Variants in ZNF385C observed in about 807,000 individuals in gnomAD.
ZNF385C encodes zinc finger protein 385C.
ZNF385C carries 28 observed loss-of-function variants against 35.4 expected under a neutral mutation model. The ratio of observed to expected loss-of-function variants is 0.79; its 90% CI spans 0.59 to 1.08. The LOEUF is 1.08. Among genes scored for constraint, ZNF385C ranks in the 50% least tolerant of loss-of-function variants. The probability of loss-of-function intolerance (pLI) is 0.00; values close to 1 mark genes in which losing one functional copy is unlikely to be tolerated. For missense variants in ZNF385C, 605 were observed against 595.6 expected (o/e 1.02, Z -0.16); for synonymous variants, 248 against 248.2 (o/e 1.00, Z 0.01).
intron 1 of ZNF385C, among the ~76,000 whole-genome samples, chr17:42,065,647 A>G (rs2053536569): frequency 6.6e-6 from 1 of 152,192 alleles, no homozygotes; most frequent in Non-Finnish European, 1.5e-5. Flanking sequence ...GTGTGGATGG[A>G]ACAGAGGAGC....
At position 42,071,901 on chromosome 17, in the gene ZNF385C, CAGA is replaced by C. The variant is rs1352374983; in HGVS notation, c.-2-8846_-2-8844del. ...GGGCAGGAGCCTAAGTCCTGGAAGC[CAGA>C]AGGAGGAGGGTTGGGAGCTCCTGGG... On this transcript the variant is annotated intron_variant, in intron 1 of 8. Transcript: ENST00000692273. Among the ~76,000 whole-genome samples the C allele has an allele frequency of 8.5e-5, 13 of 152,320 alleles. 2 individuals are homozygous for C. Among genetic ancestry groups the C allele is most frequent in the Admixed American group, 3.3e-4 (5 of 15,306 alleles).
At position 42,028,202 on chromosome 17, in the gene ZNF385C, G is replaced by A. The variant is rs782185108; in HGVS notation, c.1012C>T (p.Arg338Trp). ...GACACCGGGCGGCCCCGGCTCCTCC[G>A]GGGAGCCCCTCGCTGACCTTCCATC... is the stretch of plus-strand genomic sequence containing the variant. Reference protein sequence around the residue: ...WMMEGQRGAPRRSRGRPVSRG... With the variant: ...WMMEGQRGAPWRSRGRPVSRG... The change falls in exon 7 of 9, where the codon CGG (arginine) becomes TGG (tryptophan). Residue 338 changes from arginine to tryptophan, a missense_variant. Arg to Trp is a moderately radical substitution (Grantham distance 101, BLOSUM62 -3). Transcript: ENST00000692273. 23 of 1,572,134 alleles carry A rather than the reference G, an allele frequency of 1.5e-5. No homozygotes were observed. The highest frequency in any genetic ancestry group is 9.6e-5 in the African/African-American group (7 of 73,044).
chr17:42,042,794 C>G (rs1339355605), intron 2 of ZNF385C: 1 of 1,230,084 alleles, frequency 8.1e-7, no homozygotes, highest in Non-Finnish European at 1.0e-6. Context: ...AGTGTCCTCC[C>G]TTCCCAAGCC....
chr17:42,028,327 T>G (rs116489654), intron 6 of ZNF385C, 81 bp from the exon 7 acceptor site: 16 of 1,412,944 alleles, frequency 1.1e-5, no homozygotes, highest in Non-Finnish European at 1.5e-5. Flanking sequence ...CTCATGCAAT[T>G]TGGCTCTCCC....
At chr17:42,053,427 T>G (rs2053320124) in intron 2 of ZNF385C, among the ~76,000 whole-genome samples, 1 of 151,998 alleles carries the variant, frequency 6.6e-6, no homozygotes, top group African/African-American at 2.4e-5. Context: ...TCTGCTTCCC[T>G]CTCTTTCTGT....
intron 3 of ZNF385C, among the ~76,000 whole-genome samples, chr17:42,035,542 C>CTTTT (rs67173303): frequency 6.1e-4 from 64 of 105,580 alleles, no homozygotes; most frequent in Non-Finnish European, 7.6e-4. Context: ...TGCTGACGAC[C>CTTTT]TTTTTTTTTT....
At chr17:42,058,263 T>C (rs1567991544) in intron 2 of ZNF385C, among the ~76,000 whole-genome samples, 1 of 152,246 alleles carries the variant, frequency 6.6e-6, no homozygotes, top group East Asian at 1.9e-4. Context: ...TTACTGCCTG[T>C]AACCACCTGT....
chr17:42,056,806 T>C (rs914321072), intron 2 of ZNF385C, among the ~76,000 whole-genome samples: 2 of 152,162 alleles, frequency 1.3e-5, no homozygotes, highest in Admixed American at 6.5e-5. Context: ...TCTGCCACCA[T>C]GTGAGACGTG....
intron 1 of ZNF385C, among the ~76,000 whole-genome samples, chr17:42,091,097 C>T (rs1006267931): frequency 2.6e-5 from 4 of 152,074 alleles, no homozygotes; most frequent in Non-Finnish European, 5.9e-5. Context: ...CCACTTATGA[C>T]ATCAAGTTCC....
chr17:42,091,827 A>G (rs2053865836), intron 1 of ZNF385C, among the ~76,000 whole-genome samples: 1 of 152,232 alleles, frequency 6.6e-6, no homozygotes, highest in Admixed American at 6.5e-5. Flanking sequence ...GGTCACAAGA[A>G]TGCTACCTGC....
intron 2 of ZNF385C, chr17:42,040,137 C>G (rs1234411659): frequency 8.1e-7 from 1 of 1,231,348 alleles, no homozygotes; most frequent in African/African-American, 1.6e-5. Flanking sequence ...GCGTGCCCAG[C>G]TCCTCCGGCG....
In ZNF385C at chr17:42,037,748, T is replaced by C. The variant is rs1293148519; in HGVS notation, c.388A>G (p.Asn130Asp). Residue 130 changes from asparagine to aspartate, a missense_variant, in exon 3 of 9, where the codon AAC (asparagine) becomes GAC (aspartate). Asn to Asp is a conservative substitution (Grantham distance 23). Coordinates refer to ENST00000692273, the MANE Select transcript of ZNF385C (RefSeq NM_001392013.1). ...AGCCCAGCCCATACCGTGCTGAAGT[T>C]GGGGAAGAGACTGAGCGGGGCAGCG... The part of the protein sequence containing the change: ...NGAAPLSLFP[N>D]FSTMDPVQKA... 9 of 1,533,198 alleles carry C rather than the reference T, an allele frequency of 5.9e-6. No homozygotes were observed. Among genetic ancestry groups the C allele is most frequent in the Non-Finnish European group, 7.9e-6 (9 of 1,139,606 alleles). The allele number at this position is 1,533,198 out of a possible 1,614,324, so 95.0% of individuals were successfully genotyped here.
At chr17:42,076,031 T>C (rs1286862928) in intron 1 of ZNF385C, among the ~76,000 whole-genome samples, 1 of 152,208 alleles carries the variant, frequency 6.6e-6, no homozygotes, top group Non-Finnish European at 1.5e-5. Context: ...GGTAGTTTCC[T>C]GCGCTGGGAG....
chr17:42,092,064 G>A (rs782020213), intron 1 of ZNF385C, among the ~76,000 whole-genome samples: 5 of 152,168 alleles, frequency 3.3e-5, no homozygotes, highest in Non-Finnish European at 4.4e-5. Context: ...TTGATTCTGC[G>A]AAAGTTCCTT....
intron 2 of ZNF385C, chr17:42,043,500 G>C (rs549997415): frequency 1.2e-6 from 1 of 821,290 alleles, no homozygotes. Flanking sequence ...GGGGCAGCCC[G>C]CCAGGCTAAC....
intron 1 of ZNF385C, among the ~76,000 whole-genome samples, chr17:42,093,790 G>A (rs1393262230): frequency 3.3e-5 from 5 of 151,942 alleles, no homozygotes; most frequent in African/African-American, 7.2e-5. Context: ...CACCATGTTG[G>A]CCAGGCTGAT....
chr17:42,078,343 G>T (rs1432919214), intron 1 of ZNF385C, among the ~76,000 whole-genome samples: 1 of 151,872 alleles, frequency 6.6e-6, no homozygotes, highest in Non-Finnish European at 1.5e-5. Context: ...GGGTCTCCTG[G>T]TCCAGGTCCT....
intron 2 of ZNF385C, chr17:42,062,588 G>T (rs16967460): frequency 0.017 from 6,534 of 392,534 alleles, 358 homozygotes; most frequent in African/African-American, 0.12. Flanking sequence ...GCGGCCTAAG[G>T]ACCCACAGAT....
chr17:42,035,141 AG>A (rs2052823553), intron 3 of ZNF385C, among the ~76,000 whole-genome samples: 11 of 130,230 alleles, frequency 8.4e-5, no homozygotes, highest in African/African-American at 2.5e-4. Context: ...AAAAAAAAAG[AG>A]AAGAGAAAAG....
Sources: gnomAD v4.1 joint callset for allele counts (sites outside exome capture counted in the v4.1 genomes callset) on GRCh38, gnomAD v4.1.1 for gene constraint, MANE v1.5 for transcripts, NCBI Gene and HGNC (gene_info 2026-07-23, HGNC 2026-07-21) for gene names.